Variants in EEF1AKMT1 observed in about 807,000 individuals in gnomAD.
EEF1AKMT1 encodes the protein N-6 adenine-specific DNA methyltransferase 2 (putative).
A neutral mutation model predicts 21.0 loss-of-function variants in EEF1AKMT1; 18 were observed. The observed-to-expected ratio is 0.86, with a 90% CI of 0.59 to 1.27. The LOEUF (loss-of-function observed/expected upper bound fraction) is 1.27. Among genes scored for constraint, EEF1AKMT1 ranks in the 50% most tolerant of loss-of-function variants. EEF1AKMT1 has a pLI of 0.00. For synonymous variants in EEF1AKMT1, 109 were observed against 94.8 expected (o/e 1.15, Z -0.87); for missense variants, 246 against 258.6 (o/e 0.95, Z 0.33).
At chr13:20,760,735 AAAG>A (rs1222539995) in intron 1 of EEF1AKMT1, among the ~76,000 whole-genome samples, 1 of 152,050 alleles carries the variant, frequency 6.6e-6, no homozygotes, top group Admixed American at 6.6e-5. Flanking sequence ...AAAAAATTAA[AAAG>A]AATACACAGA....
chr13:20,730,587 G>C (rs1157569013), intron 4 of EEF1AKMT1, among the ~76,000 whole-genome samples: 1 of 152,078 alleles, frequency 6.6e-6, no homozygotes, highest in Non-Finnish European at 1.5e-5. Context: ...CTGTAGTCTC[G>C]ACCTTCAGAG....
chr13:20,744,314 A>G (rs2596151), intron 2 of EEF1AKMT1, among the ~76,000 whole-genome samples: 151,192 of 152,338 alleles, frequency 0.99, 75,044 homozygotes, highest in Non-Finnish European at 1. Context: ...GTGTAAAAGC[A>G]TTCCTATTTC....
chr13:20,763,785 C>A (rs1169594596), intron 1 of EEF1AKMT1, among the ~76,000 whole-genome samples: 1 of 152,102 alleles, frequency 6.6e-6, no homozygotes, highest in African/African-American at 2.4e-5. Context: ...CCTTTAACTG[C>A]AAATTCAATT....
intron 2 of EEF1AKMT1, among the ~76,000 whole-genome samples, chr13:20,742,516 C>T (rs2058877426): frequency 6.6e-6 from 1 of 152,194 alleles, no homozygotes; most frequent in Admixed American, 6.5e-5. Flanking sequence ...GTAATCACAT[C>T]TGAGTACAGA....
intron 2 of EEF1AKMT1, among the ~76,000 whole-genome samples, chr13:20,756,094 A>C (rs2058970016): frequency 6.6e-6 from 1 of 152,176 alleles, no homozygotes; most frequent in Non-Finnish European, 1.5e-5. Context: ...AAACAGGGTA[A>C]ATAGGAAAAG....
chr13:20,766,694 C>T (rs1039007349), intron 1 of EEF1AKMT1, among the ~76,000 whole-genome samples: 6 of 151,842 alleles, frequency 4.0e-5, no homozygotes, highest in African/African-American at 9.7e-5. Context: ...TGATGGCAGG[C>T]GCCTGTAGTC....
intron 2 of EEF1AKMT1, among the ~76,000 whole-genome samples, chr13:20,757,059 C>G (rs914363780): frequency 6.6e-6 from 1 of 152,144 alleles, no homozygotes; most frequent in African/African-American, 2.4e-5. Flanking sequence ...TGGGAACCGC[C>G]GAACGTGGGT....
chr13:20,759,021 C>A (rs1466951676), intron 1 of EEF1AKMT1, among the ~76,000 whole-genome samples: 2 of 152,134 alleles, frequency 1.3e-5, no homozygotes, highest in African/African-American at 4.8e-5. Flanking sequence ...AACATTAACT[C>A]AAGATGTATT....
intron 1 of EEF1AKMT1, among the ~76,000 whole-genome samples, chr13:20,760,520 G>C (rs1173933281): frequency 6.6e-6 from 1 of 151,960 alleles, no homozygotes; most frequent in Non-Finnish European, 1.5e-5. Flanking sequence ...AGAAATAATA[G>C]ATACTAGGGA....
rs576274430 is a variant in EEF1AKMT1 at position 20,757,568 on chromosome 13, G to A, written c.31C>T (p.Gln11Ter). The A allele has an allele frequency of 3.7e-6, 6 of 1,614,012 alleles. No homozygotes were observed. In the African/African-American group the frequency reaches 8.0e-5, roughly 22 times the overall value. Residue 11 changes from glutamine to a stop codon, truncating the protein, a stop_gained, in exon 2 of 5, where the codon CAG becomes TAG. Coordinates refer to ENST00000382758, the MANE Select transcript of EEF1AKMT1 (RefSeq NM_001318939.2). LOFTEE classifies it high-confidence loss of function. MSDLEDDETP[Q>*]LSAHALAALQ... ...GCTGCTAAGGCATGGGCAGAAAGCT[G>A]GGGTGTCTCATCATCTTCCAAATCA...
chr13:20,759,792 G>A (rs1400349994), intron 1 of EEF1AKMT1, among the ~76,000 whole-genome samples: 10 of 151,912 alleles, frequency 6.6e-5, no homozygotes, highest in South Asian at 4.2e-4. Context: ...CACACCAGTC[G>A]GAATGGCTAT....
At chr13:20,730,839 C>T (rs1197175568) in intron 4 of EEF1AKMT1, among the ~76,000 whole-genome samples, 1 of 152,214 alleles carries the variant, frequency 6.6e-6, no homozygotes, top group Non-Finnish European at 1.5e-5. Context: ...GCCAGCAGTG[C>T]AACCAGGTGT....
intron 1 of EEF1AKMT1, among the ~76,000 whole-genome samples, chr13:20,772,719 G>A (rs1202155122): frequency 6.6e-6 from 1 of 152,174 alleles, no homozygotes; most frequent in Non-Finnish European, 1.5e-5. Flanking sequence ...CAGAAAGATG[G>A]AACAGCATGA....
At chr13:20,765,370 C>T (rs558215419) in intron 1 of EEF1AKMT1, among the ~76,000 whole-genome samples, 1 of 139,216 alleles carries the variant, frequency 7.2e-6, no homozygotes, top group South Asian at 2.3e-4. Flanking sequence ...GTGCTTAAGC[C>T]TATTTCATTA....
chr13:20,772,722 C>T (rs147646187), intron 1 of EEF1AKMT1, among the ~76,000 whole-genome samples: 3 of 152,252 alleles, frequency 2.0e-5, no homozygotes, highest in Non-Finnish European at 2.9e-5. Context: ...AAAGATGGAA[C>T]AGCATGAGCA....
chr13:20,755,400 G>A (rs1157446514), intron 2 of EEF1AKMT1, among the ~76,000 whole-genome samples: 1 of 152,230 alleles, frequency 6.6e-6, no homozygotes, highest in Non-Finnish European at 1.5e-5. Context: ...GTGGTCTCCA[G>A]GCAGTTCCCT....
chr13:20,735,695 A>G (rs953854655), intron 3 of EEF1AKMT1, among the ~76,000 whole-genome samples: 2 of 152,246 alleles, frequency 1.3e-5, no homozygotes, highest in African/African-American at 4.8e-5. Flanking sequence ...GTCCACAGAC[A>G]TTTAAGGAAC....
At chr13:20,735,520 T>C (rs2058821851) in intron 3 of EEF1AKMT1, among the ~76,000 whole-genome samples, 1 of 152,184 alleles carries the variant, frequency 6.6e-6, no homozygotes, top group Non-Finnish European at 1.5e-5. Flanking sequence ...ACTAGATGTA[T>C]AACTTCCAGT....
At chr13:20,748,258 A>G (rs1210276689) in intron 2 of EEF1AKMT1, among the ~76,000 whole-genome samples, 1 of 152,006 alleles carries the variant, frequency 6.6e-6, no homozygotes, top group East Asian at 1.9e-4. Context: ...ACATGGTGAA[A>G]CCCCGTCTCT....
Sources: allele counts gnomAD v4.1 joint callset (sites outside exome capture counted in the v4.1 genomes callset), GRCh38; gene constraint gnomAD v4.1.1; transcripts MANE v1.5; gene names NCBI Gene and HGNC (gene_info 2026-07-23, HGNC 2026-07-21).